FMN1: variants seen among roughly 807,000 people sequenced by gnomAD.
FMN1 encodes formin 1, also known as formin-1.
A neutral mutation model predicts 132.4 loss-of-function variants in FMN1; 110 were observed. The observed-to-expected ratio is 0.83, with a 90% CI of 0.71 to 0.97. FMN1 has a LOEUF of 0.97. Among genes scored for constraint, FMN1 ranks in the 50% least tolerant of loss-of-function variants. The pLI is 0.00. For synonymous variants in FMN1, 722 were observed against 651.7 expected, an observed-to-expected ratio of 1.11 and a Z score of -1.64; for missense variants, 1,792 against 1,705.3, an observed-to-expected ratio of 1.05 and a Z score of -0.90.
At chr15:33,174,901 C>T (rs1965461688) in intron 3 of FMN1, among the ~76,000 whole-genome samples, 1 of 152,188 alleles carries the variant, frequency 6.6e-6, no homozygotes, top group South Asian at 2.1e-4. Context: ...ATCAGGATTT[C>T]TTTTTCAAAT....
intron 17 of FMN1, among the ~76,000 whole-genome samples, chr15:32,850,602 C>T (rs555965511): frequency 6.6e-6 from 1 of 152,152 alleles, no homozygotes; most frequent in Non-Finnish European, 1.5e-5. Flanking sequence ...ATAAATTCAA[C>T]AAACACTTAT....
chr15:33,118,982 A>G (rs1478013132), intron 4 of FMN1, among the ~76,000 whole-genome samples: 1 of 152,204 alleles, frequency 6.6e-6, no homozygotes, highest in Non-Finnish European at 1.5e-5. Context: ...GAAAATGCTA[A>G]TATTCAGATG....
intron 15 of FMN1, among the ~76,000 whole-genome samples, chr15:32,889,582 G>A (rs142629790): frequency 6.6e-6 from 1 of 152,072 alleles, no homozygotes; most frequent in African/African-American, 2.4e-5. Flanking sequence ...TTGCTTCTAG[G>A]CCTTTGTCTA....
intron 18 of FMN1, among the ~76,000 whole-genome samples, chr15:32,799,695 A>G (rs1190191533): frequency 6.6e-6 from 1 of 152,184 alleles, no homozygotes; most frequent in African/African-American, 2.4e-5. Flanking sequence ...ATTCCCAGAT[A>G]TCAGTAAGAC....
At chr15:33,179,913 T>G (rs1427141949) in intron 3 of FMN1, among the ~76,000 whole-genome samples, 1 of 152,184 alleles carries the variant, frequency 6.6e-6, no homozygotes, top group African/African-American at 2.4e-5. Context: ...CTTGAGTGAC[T>G]AGAAAAAAGT....
intron 4 of FMN1, among the ~76,000 whole-genome samples, chr15:33,092,927 C>G (rs1483933861): frequency 6.6e-6 from 1 of 152,204 alleles, no homozygotes; most frequent in Non-Finnish European, 1.5e-5. Context: ...CACCCATTTA[C>G]TCATTCATAC....
At chr15:32,947,985 T>C (rs912392795) in intron 9 of FMN1, among the ~76,000 whole-genome samples, 12 of 152,050 alleles carry the variant, frequency 7.9e-5, no homozygotes, top group Admixed American at 2.0e-4. Context: ...ATAAAGGATG[T>C]AGAAATGTGT....
intron 7 of FMN1, among the ~76,000 whole-genome samples, chr15:32,975,760 T>A (rs1415229237): frequency 6.6e-6 from 1 of 152,162 alleles, no homozygotes; most frequent in Non-Finnish European, 1.5e-5. Context: ...ATACATATCA[T>A]AAACCACCCG....
At chr15:33,104,920 A>C (rs1402841733) in intron 4 of FMN1, among the ~76,000 whole-genome samples, 1 of 152,136 alleles carries the variant, frequency 6.6e-6, no homozygotes, top group Non-Finnish European at 1.5e-5. Context: ...AAAAAGCTGA[A>C]TCTAATTGGT....
chr15:32,995,498 A>G (rs771241630), intron 7 of FMN1, among the ~76,000 whole-genome samples: 4 of 152,222 alleles, frequency 2.6e-5, no homozygotes, highest in Non-Finnish European at 5.9e-5. Flanking sequence ...TGAGTACGGA[A>G]CCTATATGAG....
intron 4 of FMN1, among the ~76,000 whole-genome samples, chr15:33,118,681 G>A (rs1287133087): frequency 6.6e-6 from 1 of 151,956 alleles, no homozygotes; most frequent in African/African-American, 2.4e-5. Context: ...CAAAAAGCAT[G>A]ATTTAAACAA....
At chr15:32,795,605 G>T (rs1047761613) in intron 19 of FMN1, among the ~76,000 whole-genome samples, 1 of 151,798 alleles carries the variant, frequency 6.6e-6, no homozygotes, top group African/African-American at 2.4e-5. Flanking sequence ...GGGGGTGGCA[G>T]GGTGAAGGGT....
chr15:33,030,335 G>A (rs2035877768), intron 6 of FMN1, among the ~76,000 whole-genome samples: 1 of 152,136 alleles, frequency 6.6e-6, no homozygotes, highest in Non-Finnish European at 1.5e-5. Context: ...CCAGAGACCT[G>A]GTAGGTCAAG....
chr15:33,169,734 C>CCT (rs1965242267), intron 3 of FMN1, among the ~76,000 whole-genome samples: 1 of 125,722 alleles, frequency 8.0e-6, no homozygotes, highest in African/African-American at 3.1e-5. Context: ...TTTTTTTTTT[C>CCT]TTTTCCTTTT....
intron 14 of FMN1, 71 bp downstream of exon 14, chr15:32,899,908 G>GT (rs1567353863): frequency 1.4e-6 from 2 of 1,470,540 alleles, no homozygotes; most frequent in East Asian, 2.3e-5. Flanking sequence ...TCTGGAATAC[G>GT]TTTTTTAAAA....
intron 17 of FMN1, among the ~76,000 whole-genome samples, chr15:32,853,533 T>C (rs901621327): frequency 6.6e-6 from 1 of 152,228 alleles, no homozygotes; most frequent in African/African-American, 2.4e-5. Context: ...TGCCTATCTG[T>C]GGCAAATGGA....
At position 32,861,840 on chromosome 15, in the gene FMN1, C is replaced by T. The variant is rs2034608; in HGVS notation, c.3836-4733G>A. Among the ~76,000 whole-genome samples, 11 of 152,280 alleles carry T rather than the reference C, an allele frequency of 7.2e-5. No individual in the cohort carries two copies. In the South Asian group the frequency reaches 1.0e-3, roughly 14 times the overall value. ...ATGCAGGCGAAGTCTTGGGGAAAGA[C>T]GAAGCAAAATGGGAAACAATTCCCC... On this transcript the variant is annotated intron_variant, in intron 16 of 20. Transcript: ENST00000616417.
intron 4 of FMN1, among the ~76,000 whole-genome samples, chr15:33,101,576 A>T (rs1335595191): frequency 1.3e-5 from 2 of 152,186 alleles, no homozygotes; most frequent in Non-Finnish European, 2.9e-5. Flanking sequence ...TCTTCATGGT[A>T]ATCCCTGCCC....
chr15:32,888,275 C>T lies in FMN1; in HGVS notation c.3732G>A (p.Lys1244=), dbSNP rs1346366882. The change falls in exon 16 of 21, where the codon AAG becomes AAA. Residue 1244 remains lysine, a synonymous_variant. Transcript: ENST00000616417. ...GTGGTTCCGGCAAGGGGAAAACACTCTTTTCTGTTCCAGCTTCCTAAGAGA... is the reference window on the plus strand; with the variant it reads ...GTGGTTCCGGCAAGGGGAAAACACTTTTTTCTGTTCCAGCTTCCTAAGAGA... ...RYYDQEAGTE[K]SVFPLPEPQD... The T allele has an allele frequency of 6.2e-7, 1 of 1,611,908 alleles. No homozygotes were observed. The highest frequency in any genetic ancestry group is 1.7e-5 in the Admixed American group (1 of 59,688).
Sources: gnomAD v4.1 joint callset for allele counts (sites outside exome capture counted in the v4.1 genomes callset) on GRCh38, gnomAD v4.1.1 for gene constraint, MANE v1.5 for transcripts, NCBI Gene and HGNC (gene_info 2026-07-23, HGNC 2026-07-21) for gene names.